Variants in GUCY1A2 observed in about 807,000 individuals in gnomAD.
The protein encoded by GUCY1A2 is guanylate cyclase 1 soluble subunit alpha 2.
Under a neutral mutation model 63.5 loss-of-function variants are expected in GUCY1A2, and 27 were observed. The observed-to-expected ratio is 0.43, with a 90% CI of 0.31 to 0.59. GUCY1A2 has a LOEUF of 0.59. Ranked by LOEUF, GUCY1A2 falls within the 20% of genes least tolerant of loss-of-function variation. The pLI is 0.11. For synonymous variants in GUCY1A2, 364 were observed against 343.5 expected, an observed-to-expected ratio of 1.06 and a Z score of -0.66; for missense variants, 768 against 913.3, an observed-to-expected ratio of 0.84 and a Z score of 2.05.
chr11:106,701,352 C>T (rs1862814758), intron 7 of GUCY1A2, among the ~76,000 whole-genome samples: 1 of 151,968 alleles, frequency 6.6e-6, no homozygotes, highest in South Asian at 2.1e-4. Flanking sequence ...CAAATAAACA[C>T]GTTAGAAATA....
intron 4 of GUCY1A2, among the ~76,000 whole-genome samples, chr11:106,833,972 T>C (rs890946902): frequency 6.6e-6 from 1 of 152,038 alleles, no homozygotes; most frequent in African/African-American, 2.4e-5. Context: ...ATATTCAATG[T>C]GTACAACATC....
At chr11:106,692,612 G>T (rs1157262776) in intron 7 of GUCY1A2, among the ~76,000 whole-genome samples, 1 of 152,086 alleles carries the variant, frequency 6.6e-6, no homozygotes, top group African/African-American at 2.4e-5. Context: ...AAGTACAAAT[G>T]ATCTAAATGT....
At chr11:107,014,510 T>C (rs1861793107) in intron 1 of GUCY1A2, among the ~76,000 whole-genome samples, 1 of 152,064 alleles carries the variant, frequency 6.6e-6, no homozygotes, top group Non-Finnish European at 1.5e-5. Context: ...TAGAATCAGG[T>C]CTCCCGAATT....
intron 4 of GUCY1A2, among the ~76,000 whole-genome samples, chr11:106,828,052 A>T (rs958573191): frequency 1.3e-5 from 2 of 150,700 alleles, no homozygotes; most frequent in African/African-American, 2.4e-5. Flanking sequence ...GTAGCTCTTT[A>T]TTTTTTTTTC....
chr11:106,987,138 C>G (rs1861412007), intron 1 of GUCY1A2, among the ~76,000 whole-genome samples: 1 of 152,156 alleles, frequency 6.6e-6, no homozygotes, highest in African/African-American at 2.4e-5. Context: ...AAGGCCTCAT[C>G]AAAGCATTGA....
At chr11:106,890,494 C>T (rs1409549117) in intron 4 of GUCY1A2, among the ~76,000 whole-genome samples, 1 of 152,124 alleles carries the variant, frequency 6.6e-6, no homozygotes, top group Non-Finnish European at 1.5e-5. Flanking sequence ...CAGTAAATGG[C>T]CATTGCTACA....
chr11:106,696,038 T>C (rs529784840), intron 7 of GUCY1A2, among the ~76,000 whole-genome samples: 3 of 152,136 alleles, frequency 2.0e-5, no homozygotes, highest in Admixed American at 2.0e-4. Context: ...GATGGCAAAG[T>C]GTGCTTAAGT....
chr11:106,910,605 G>T (rs1860280262), intron 4 of GUCY1A2, among the ~76,000 whole-genome samples: 1 of 151,976 alleles, frequency 6.6e-6, no homozygotes, highest in South Asian at 2.1e-4. Flanking sequence ...CCTTTTCTCA[G>T]TTTCCCTTGC....
intron 4 of GUCY1A2, among the ~76,000 whole-genome samples, chr11:106,927,594 T>C (rs1478080344): frequency 6.6e-6 from 1 of 151,396 alleles, no homozygotes; most frequent in Non-Finnish European, 1.5e-5. Flanking sequence ...AGTCAGAGTC[T>C]CGCTCTGTCA....
chr11:106,815,741 C>CT (rs1858822031), intron 4 of GUCY1A2, among the ~76,000 whole-genome samples: 1 of 151,794 alleles, frequency 6.6e-6, no homozygotes, highest in Non-Finnish European at 1.5e-5. Flanking sequence ...AGTGGCCTCA[C>CT]AAGAGGAAGG....
intron 7 of GUCY1A2, among the ~76,000 whole-genome samples, chr11:106,690,653 G>C (rs1862607014): frequency 6.6e-6 from 1 of 152,174 alleles, no homozygotes; most frequent in Non-Finnish European, 1.5e-5. Flanking sequence ...ATGTATGTAA[G>C]TATGTATATA....
intron 4 of GUCY1A2, among the ~76,000 whole-genome samples, chr11:106,813,055 A>T (rs995655467): frequency 6.6e-6 from 1 of 152,042 alleles, no homozygotes; most frequent in Non-Finnish European, 1.5e-5. Context: ...ATTTGCATTT[A>T]TTAACTTAGC....
At chr11:107,015,814 G>A (rs906304249) in intron 1 of GUCY1A2, among the ~76,000 whole-genome samples, 2 of 152,030 alleles carry the variant, frequency 1.3e-5, no homozygotes, top group Admixed American at 6.6e-5. Context: ...ATAAAATTAC[G>A]CTGCCTGGGA....
chr11:106,852,900 G>A (rs1859375701), intron 4 of GUCY1A2, among the ~76,000 whole-genome samples: 1 of 152,124 alleles, frequency 6.6e-6, no homozygotes. Flanking sequence ...ATGTTTGAAA[G>A]ATAGCTTTGC....
At chr11:106,715,337 C>T (rs545427290) in intron 6 of GUCY1A2, among the ~76,000 whole-genome samples, 1 of 152,072 alleles carries the variant, frequency 6.6e-6, no homozygotes, top group Admixed American at 6.6e-5. Flanking sequence ...TAGTCCAGCT[C>T]CCTCATTTTA....
At chr11:106,815,033 C>T (rs1483990881) in intron 4 of GUCY1A2, among the ~76,000 whole-genome samples, 1 of 151,966 alleles carries the variant, frequency 6.6e-6, no homozygotes, top group African/African-American at 2.4e-5. Context: ...TTTCAACGAG[C>T]AATTATAAAT....
intron 1 of GUCY1A2, among the ~76,000 whole-genome samples, chr11:106,989,598 C>T (rs184928890): frequency 6.6e-6 from 1 of 152,160 alleles, no homozygotes; most frequent in Non-Finnish European, 1.5e-5. Flanking sequence ...GGAACACAGA[C>T]TTCAATTAGA....
intron 4 of GUCY1A2, among the ~76,000 whole-genome samples, chr11:106,865,548 G>A (rs1211327801): frequency 1.3e-5 from 2 of 151,948 alleles, no homozygotes; most frequent in East Asian, 1.9e-4. Flanking sequence ...ACTAACACAG[G>A]AACAGAAAAC....
intron 5 of GUCY1A2, among the ~76,000 whole-genome samples, chr11:106,796,774 A>T (rs878929775): frequency 2.0e-5 from 3 of 152,004 alleles, no homozygotes; most frequent in Non-Finnish European, 4.4e-5. Flanking sequence ...CTTCTCAAGG[A>T]GTATCTTTGT....
Sources: allele counts gnomAD v4.1 joint callset (sites outside exome capture counted in the v4.1 genomes callset), GRCh38; gene constraint gnomAD v4.1.1; transcripts MANE v1.5; gene names NCBI Gene and HGNC (gene_info 2026-07-23, HGNC 2026-07-21).